Variants in TBC1D22A observed in about 807,000 individuals in gnomAD.
TBC1D22A encodes the protein TBC1 domain family member 22A, also known as putative GTPase activator.
Under a neutral mutation model 60.2 loss-of-function variants are expected in TBC1D22A, and 38 were observed. The ratio of observed to expected loss-of-function variants is 0.63; its 90% CI spans 0.49 to 0.83. The LOEUF is 0.83. Ranked by LOEUF, TBC1D22A falls within the 40% of genes least tolerant of loss-of-function variation. The pLI, the probability that TBC1D22A is intolerant of heterozygous loss-of-function variation, is 0.00. For missense variants in TBC1D22A, 628 were observed against 701.0 expected (o/e 0.90, Z 1.18); for synonymous variants, 302 against 281.7 (o/e 1.07, Z -0.72).
chr22:46,943,380 A>G (rs1341109726), intron 8 of TBC1D22A, among the ~76,000 whole-genome samples: 1 of 152,228 alleles, frequency 6.6e-6, no homozygotes, highest in Admixed American at 6.5e-5. Context: ...TGCTTTTGTA[A>G]GAACAGAATT....
intron 11 of TBC1D22A, among the ~76,000 whole-genome samples, chr22:47,059,022 TCCCCTGTCATCCTGGGCACTCCACACA>T (rs2063486087): frequency 3.3e-5 from 5 of 152,064 alleles, no homozygotes; most frequent in Admixed American, 3.3e-4. Context: ...ACTCTACACG[TCCCCTGTCATCCTGGGCACTCCACACA>T]CCCCTGTCAT....
rs1202755976 is a variant in TBC1D22A, at chr22:47,070,715, GT to G, written c.1329+33519del. On this transcript the variant is annotated intron_variant, in intron 11 of 12. Coordinates refer to ENST00000337137, the MANE Select transcript of TBC1D22A (RefSeq NM_014346.5). ...ACCTGACGGTTCCAGGCTGTTCCCT[GT>G]TGTTTGGCTGGAGCGGGGCTGACCT... is the stretch of plus-strand genomic sequence containing the variant. Among the ~76,000 whole-genome samples the G allele has an allele frequency of 6.3e-4, 8 of 12,610 alleles. 4 individuals are homozygous for G. Among genetic ancestry groups the G allele is most frequent in the Admixed American group, 1.4e-3 (2 of 1,452 alleles). 8.3% of individuals were successfully genotyped at this position (12,610 alleles called of 152,430 possible).
intron 4 of TBC1D22A, among the ~76,000 whole-genome samples, chr22:46,811,959 C>T (rs771720824): frequency 1.1e-4 from 17 of 152,016 alleles, no homozygotes; most frequent in African/African-American, 3.1e-4. Context: ...TACTTAATCC[C>T]GCCGTAGCCT....
chr22:46,792,313 G>T (rs1031506170), intron 1 of TBC1D22A, among the ~76,000 whole-genome samples: 2 of 152,110 alleles, frequency 1.3e-5, no homozygotes, highest in African/African-American at 4.8e-5. Flanking sequence ...GTGGGGTGTG[G>T]GGTGTGGGCT....
At chr22:46,965,305 T>G (rs962111617) in intron 8 of TBC1D22A, among the ~76,000 whole-genome samples, 1 of 152,094 alleles carries the variant, frequency 6.6e-6, no homozygotes, top group African/African-American at 2.4e-5. Context: ...GGGGGCGGGG[T>G]GCCCCGCCCA....
chr22:46,984,348 C>A (rs1419744980), intron 9 of TBC1D22A, among the ~76,000 whole-genome samples: 1 of 103,708 alleles, frequency 9.6e-6, no homozygotes, highest in Admixed American at 1.5e-4. Flanking sequence ...GCCGGGGCGA[C>A]AGAACCAGAC....
intron 8 of TBC1D22A, among the ~76,000 whole-genome samples, chr22:46,933,300 G>A (rs575514089): frequency 5.3e-5 from 8 of 152,316 alleles, no homozygotes; most frequent in African/African-American, 1.7e-4. Context: ...GGACAGTCAA[G>A]GTGAGGTGCA....
chr22:46,885,729 T>G (rs984000137), intron 5 of TBC1D22A, among the ~76,000 whole-genome samples: 1 of 152,146 alleles, frequency 6.6e-6, no homozygotes, highest in East Asian at 1.9e-4. Flanking sequence ...TGGGCAGGGC[T>G]AGGTACCCAA....
intron 10 of TBC1D22A, among the ~76,000 whole-genome samples, chr22:47,021,101 A>G (rs938296112): frequency 1.3e-5 from 2 of 152,200 alleles, no homozygotes; most frequent in Admixed American, 1.3e-4. Context: ...TGCAGGCCTG[A>G]TGGCAGCTTT....
At chr22:47,153,025 G>A (rs2067568731) in intron 12 of TBC1D22A, among the ~76,000 whole-genome samples, 1 of 152,212 alleles carries the variant, frequency 6.6e-6, no homozygotes, top group Admixed American at 6.5e-5. Flanking sequence ...GCAGTTCCAG[G>A]CTGGAACAGC....
chr22:47,055,183 G>A (rs532255398), intron 11 of TBC1D22A, among the ~76,000 whole-genome samples: 23 of 152,382 alleles, frequency 1.5e-4, no homozygotes, highest in African/African-American at 5.3e-4. Flanking sequence ...CTTGTGCCCT[G>A]CTTGGGGCTC....
At chr22:46,889,713 C>CT (rs755219185) in intron 5 of TBC1D22A, among the ~76,000 whole-genome samples, 5 of 152,172 alleles carry the variant, frequency 3.3e-5, no homozygotes, top group Non-Finnish European at 5.9e-5. Context: ...AGGTGCTGTG[C>CT]TGCTGAGTGA....
chr22:46,959,004 A>C (rs2073354849), intron 8 of TBC1D22A, among the ~76,000 whole-genome samples: 1 of 152,140 alleles, frequency 6.6e-6, no homozygotes, highest in Non-Finnish European at 1.5e-5. Flanking sequence ...ATTCAGTATA[A>C]AATGAAACGG....
intron 6 of TBC1D22A, among the ~76,000 whole-genome samples, chr22:46,892,529 C>T (rs535024704): frequency 7.9e-5 from 12 of 152,242 alleles, no homozygotes; most frequent in African/African-American, 1.4e-4. Context: ...GCCCCTGGAC[C>T]GCACTGGACC....
At chr22:46,886,571 T>C (rs2068130865) in intron 5 of TBC1D22A, among the ~76,000 whole-genome samples, 2 of 152,242 alleles carry the variant, frequency 1.3e-5, no homozygotes, top group African/African-American at 4.8e-5. Context: ...AGCTAAAAGT[T>C]CACTGTAGGA....
intron 11 of TBC1D22A, among the ~76,000 whole-genome samples, chr22:47,053,234 C>G (rs1024593206): frequency 1.3e-5 from 2 of 152,338 alleles, no homozygotes; most frequent in Middle Eastern, 3.4e-3. Context: ...CACTTTCTGC[C>G]TCCTCCTGTT....
intron 11 of TBC1D22A, among the ~76,000 whole-genome samples, chr22:47,091,027 G>T: frequency 7.6e-6 from 1 of 132,424 alleles, no homozygotes; most frequent in Admixed American, 7.7e-5. Context: ...ATAGAGACAG[G>T]CATGAGAAGT....
At chr22:46,774,728 C>T (rs532342770) in intron 1 of TBC1D22A, among the ~76,000 whole-genome samples, 9 of 152,262 alleles carry the variant, frequency 5.9e-5, no homozygotes, top group Admixed American at 2.6e-4. Context: ...GAGCCCTTTC[C>T]GGCTTCGGGG....
intron 12 of TBC1D22A, among the ~76,000 whole-genome samples, chr22:47,130,637 A>G (rs2066647577): frequency 6.6e-6 from 1 of 151,920 alleles, no homozygotes; most frequent in Non-Finnish European, 1.5e-5. Flanking sequence ...TCCTTCCCCA[A>G]CACCTCTGCC....
Sources: allele counts gnomAD v4.1 joint callset (sites outside exome capture counted in the v4.1 genomes callset), GRCh38; gene constraint gnomAD v4.1.1; transcripts MANE v1.5; gene names NCBI Gene and HGNC (gene_info 2026-07-23, HGNC 2026-07-21).